The following PLEKHG1 variants were observed in gnomAD, a reference collection of about 807,000 sequenced individuals.
PLEKHG1 encodes pleckstrin homology and RhoGEF domain containing G1.
Under a neutral mutation model 100.8 loss-of-function variants are expected in PLEKHG1, and 44 were observed. The observed-to-expected ratio is 0.44, with a 90% CI of 0.34 to 0.56. PLEKHG1 has a LOEUF of 0.56. Among genes scored for constraint, PLEKHG1 ranks in the 20% least tolerant of loss-of-function variants. PLEKHG1 has a pLI of 0.01. For synonymous variants in PLEKHG1, 640 were observed against 662.5 expected, an observed-to-expected ratio of 0.97 and a Z score of 0.52; for missense variants, 1,545 against 1,720.9, an observed-to-expected ratio of 0.90 and a Z score of 1.81.
intron 3 of PLEKHG1, among the ~76,000 whole-genome samples, chr6:150,671,115 A>G (rs945914585): frequency 5.9e-5 from 9 of 151,840 alleles, no homozygotes; most frequent in African/African-American, 2.2e-4. Context: ...ATATATACAC[A>G]CACACACCAG....
exon 2 of PLEKHG1, chr6:150,734,008 C>G: frequency 6.2e-7 from 1 of 1,614,196 alleles, no homozygotes; most frequent in East Asian, 2.2e-5. Context: ...CCACGAGCCC[C>G]AAGCTCCTCT....
At chr6:150,644,334 G>GGT (rs1554255840) in intron 2 of PLEKHG1, among the ~76,000 whole-genome samples, 1 of 117,622 alleles carries the variant, frequency 8.5e-6, no homozygotes, top group Admixed American at 9.3e-5. Flanking sequence ...TTCTTTTCGT[G>GGT]TTTTTTTTTT....
chr6:150,702,059 T>C (rs745442398), intron 3 of PLEKHG1, among the ~76,000 whole-genome samples: 5 of 152,218 alleles, frequency 3.3e-5, no homozygotes, highest in Non-Finnish European at 5.9e-5. Flanking sequence ...ATTCACCCTT[T>C]AGTATCTCAC....
At chr6:150,633,519 A>G (rs2128562910) in intron 1 of PLEKHG1, among the ~76,000 whole-genome samples, 1 of 152,276 alleles carries the variant, frequency 6.6e-6, no homozygotes, top group East Asian at 1.9e-4. Flanking sequence ...AGAGCCTGTC[A>G]TGGAGCTGCT....
At chr6:150,798,644 G>A (rs929934129) in intron 5 of PLEKHG1, among the ~76,000 whole-genome samples, 2 of 152,190 alleles carry the variant, frequency 1.3e-5, no homozygotes, top group Non-Finnish European at 2.9e-5. Context: ...TGCAATGGTG[G>A]AAGAGCATGT....
intron 14 of PLEKHG1, among the ~76,000 whole-genome samples, chr6:150,830,034 C>T (rs803412): frequency 0.21 from 32,472 of 152,082 alleles, 3,600 homozygotes; most frequent in Middle Eastern, 0.27. Flanking sequence ...ACCAGACTTA[C>T]TTGAAGAATC....
chr6:150,622,244 T>C (rs1256252769), intron 1 of PLEKHG1, among the ~76,000 whole-genome samples: 1 of 152,216 alleles, frequency 6.6e-6, no homozygotes, highest in Non-Finnish European at 1.5e-5. Flanking sequence ...CTACATGCTG[T>C]GGTGAGGGGT....
intron 1 of PLEKHG1, among the ~76,000 whole-genome samples, chr6:150,632,634 G>A (rs988002945): frequency 6.6e-6 from 1 of 152,166 alleles, no homozygotes; most frequent in African/African-American, 2.4e-5. Context: ...AATGTCCTAG[G>A]GCCATTATTC....
At chr6:150,794,978 T>C (rs1786229847) in intron 4 of PLEKHG1, among the ~76,000 whole-genome samples, 1 of 152,108 alleles carries the variant, frequency 6.6e-6, no homozygotes, top group African/African-American at 2.4e-5. Flanking sequence ...AAATAGGCAC[T>C]TAGAGTCACA....
At chr6:150,796,278 C>G (rs768990446) in intron 5 of PLEKHG1, among the ~76,000 whole-genome samples, 5 of 152,162 alleles carry the variant, frequency 3.3e-5, no homozygotes, top group Non-Finnish European at 7.3e-5. Context: ...TTTCTATAAT[C>G]TAGATGGGGA....
At chr6:150,781,580 A>G (rs577544067) in intron 3 of PLEKHG1, among the ~76,000 whole-genome samples, 4 of 152,256 alleles carry the variant, frequency 2.6e-5, no homozygotes, top group Admixed American at 2.6e-4. Flanking sequence ...TAAAATTAAA[A>G]GAGCGCTGGC....
chr6:150,839,923 C>G (rs1171565708), exon 16 of PLEKHG1: 1 of 1,613,820 alleles, frequency 6.2e-7, no homozygotes, highest in African/African-American at 1.3e-5. Flanking sequence ...TGGGCCAGCC[C>G]TCAAGAATCC....
intron 2 of PLEKHG1, among the ~76,000 whole-genome samples, chr6:150,758,033 G>A (rs1056348125): frequency 6.6e-6 from 1 of 152,124 alleles, no homozygotes; most frequent in Non-Finnish European, 1.5e-5. Flanking sequence ...TGGCTGTATA[G>A]TGTTCCATGG....
In PLEKHG1 at chr6:150,826,323, C is replaced by A. The variant is rs185481433; in HGVS notation, c.1470+2647C>A. Among the ~76,000 whole-genome samples the A allele has an allele frequency of 3.4e-3, 520 of 152,078 alleles. 1 individual carries two copies. Among genetic ancestry groups the A allele is most frequent in the African/African-American group, 0.011 (465 of 41,494 alleles). The stretch of plus-strand genomic sequence containing the variant: ...AATACAAAAAATTAGCCGGGCATAG[C>A]GGCATGCACCTGTAGTCCCAGCTAC... On this transcript the variant is annotated intron_variant, in intron 14 of 15. Transcript: ENST00000358517.
exon 2 of PLEKHG1, chr6:150,733,649 GC>G (rs1583023630): frequency 6.2e-7 from 1 of 1,614,118 alleles, no homozygotes; most frequent in East Asian, 2.2e-5. Context: ...CAAGACGACA[GC>G]CAGGCGTTCC....
intron 3 of PLEKHG1, among the ~76,000 whole-genome samples, chr6:150,707,246 C>T (rs921340494): frequency 1.4e-4 from 21 of 152,090 alleles, no homozygotes; most frequent in African/African-American, 4.8e-4. Context: ...TCAGATGATC[C>T]ACCTACCTCA....
Position 150,827,807 on chromosome 6 carries a change from T to C in PLEKHG1, c.1471-2775T>C, listed in dbSNP as rs113899991. 117 of 1,420,852 alleles carry C rather than the reference T, an allele frequency of 8.2e-5. 2 individuals are homozygous for C. Among genetic ancestry groups the C allele is most frequent in the African/African-American group, 3.7e-4 (26 of 71,122 alleles). The allele number at this position is 1,420,852 out of a possible 1,614,324, so 88.0% of individuals were successfully genotyped here. A position where few individuals can be genotyped will look rare whatever the true frequency, so the allele number is the denominator to read the frequency against. On this transcript the variant is annotated intron_variant, in intron 14 of 15. Transcript: ENST00000358517. The stretch of plus-strand genomic sequence containing the variant: ...TCCAGCAGTCAGTGGTGAAAACATA[T>C]GAAGATATGACTTTGGAAGAGCTGG...
intron 3 of PLEKHG1, among the ~76,000 whole-genome samples, chr6:150,661,075 A>C (rs1448431173): frequency 6.6e-6 from 1 of 152,118 alleles, no homozygotes. Flanking sequence ...CAGCTGAGGA[A>C]AGGTTTCCTC....
intron 1 of PLEKHG1, 137 bp from the exon 3 acceptor site, chr6:150,733,447 G>T (rs968779495): frequency 3.3e-5 from 22 of 672,394 alleles, no homozygotes; most frequent in Non-Finnish European, 4.8e-5. Context: ...CTCCACCACA[G>T]GTACCTTTGC....
Sources: gnomAD v4.1 joint callset for allele counts (sites outside exome capture counted in the v4.1 genomes callset) on GRCh38, gnomAD v4.1.1 for gene constraint, MANE v1.5 for transcripts, NCBI Gene and HGNC (gene_info 2026-07-23, HGNC 2026-07-21) for gene names.